CNTNAP2: variants seen among roughly 807,000 people sequenced by gnomAD.
CNTNAP2 encodes contactin-associated protein-like 2.
Under a neutral mutation model 155.2 loss-of-function variants are expected in CNTNAP2, and 98 were observed. The observed-to-expected ratio is 0.63, with a 90% confidence interval of 0.54 to 0.75. CNTNAP2 has a LOEUF of 0.75. Ranked by LOEUF, CNTNAP2 falls within the 30% of genes least tolerant of loss-of-function variation. The probability of loss-of-function intolerance (pLI) is 0.00; values close to 1 mark genes in which losing one functional copy is unlikely to be tolerated. For missense variants in CNTNAP2, 1,727 were observed against 1,688.1 expected (o/e 1.02, Z -0.40); for synonymous variants, 651 against 631.2 (o/e 1.03, Z -0.47).
At chr7:146,776,142 A>G (rs1802386312) in intron 2 of CNTNAP2, among the ~76,000 whole-genome samples, 1 of 152,198 alleles carries the variant, frequency 6.6e-6, no homozygotes, top group Admixed American at 6.5e-5. Flanking sequence ...ATTATGATAC[A>G]GACCTTCCCA....
intron 1 of CNTNAP2, among the ~76,000 whole-genome samples, chr7:146,729,355 C>A (rs1302475016): frequency 1.3e-5 from 2 of 151,888 alleles, no homozygotes; most frequent in African/African-American, 2.4e-5. Flanking sequence ...TGAAAGACGA[C>A]AGTAAAAGCA....
chr7:146,628,183 A>G (rs1279166890), intron 1 of CNTNAP2, among the ~76,000 whole-genome samples: 1 of 152,154 alleles, frequency 6.6e-6, no homozygotes, highest in Non-Finnish European at 1.5e-5. Flanking sequence ...TCACCTCAGC[A>G]TGCAGACAAT....
chr7:148,219,163 A>G (rs893229841), intron 19 of CNTNAP2, among the ~76,000 whole-genome samples: 1 of 151,784 alleles, frequency 6.6e-6, no homozygotes, highest in South Asian at 2.1e-4. Context: ...GACAATCTCA[A>G]TCTCTTGACC....
chr7:146,751,183 A>G (rs1325920452), intron 1 of CNTNAP2, among the ~76,000 whole-genome samples: 1 of 152,178 alleles, frequency 6.6e-6, no homozygotes, highest in African/African-American at 2.4e-5. Flanking sequence ...TAACTTTTGA[A>G]CATTTACAAA....
intron 13 of CNTNAP2, among the ~76,000 whole-genome samples, chr7:147,680,190 T>A (rs1795926998): frequency 6.6e-6 from 1 of 151,930 alleles, no homozygotes; most frequent in Non-Finnish European, 1.5e-5. Context: ...AGCATTTCTG[T>A]AAGGAAATAG....
chr7:146,969,117 G>A (rs1392155746), intron 3 of CNTNAP2, among the ~76,000 whole-genome samples: 12 of 150,672 alleles, frequency 8.0e-5, no homozygotes, highest in Non-Finnish European at 1.5e-4. Flanking sequence ...GTAGTTGAGC[G>A]GTTTTGAGTG....
intron 13 of CNTNAP2, among the ~76,000 whole-genome samples, chr7:147,819,219 T>G (rs1388627608): frequency 6.6e-6 from 1 of 152,194 alleles, no homozygotes; most frequent in African/African-American, 2.4e-5. Context: ...TTGTCTCAGA[T>G]AGATGGTTCT....
chr7:146,938,271 T>C (rs1796967158), intron 3 of CNTNAP2, among the ~76,000 whole-genome samples: 1 of 151,984 alleles, frequency 6.6e-6, no homozygotes. Flanking sequence ...CGTAATAAAT[T>C]AAGAGCGTCC....
chr7:147,522,091 C>T (rs1799238445), intron 11 of CNTNAP2, among the ~76,000 whole-genome samples: 1 of 152,186 alleles, frequency 6.6e-6, no homozygotes, highest in African/African-American at 2.4e-5. Flanking sequence ...CAAGTGTGCT[C>T]ATGTAGCAGA....
chr7:147,336,320 G>T (rs1161731116), intron 9 of CNTNAP2, among the ~76,000 whole-genome samples: 1 of 152,038 alleles, frequency 6.6e-6, no homozygotes. Flanking sequence ...GAGTTTTGCT[G>T]CTTGATTTCT....
chr7:146,398,243 A>C (rs1795662170), intron 1 of CNTNAP2, among the ~76,000 whole-genome samples: 1 of 139,042 alleles, frequency 7.2e-6, no homozygotes, highest in Non-Finnish European at 1.5e-5. Context: ...CCCACTGCTA[A>C]TTTGTAAAGG....
chr7:148,257,606 G>A (rs977943239), intron 20 of CNTNAP2, among the ~76,000 whole-genome samples: 1 of 152,182 alleles, frequency 6.6e-6, no homozygotes, highest in African/African-American at 2.4e-5. Flanking sequence ...GTTGGGAGGG[G>A]GCTGGCCTGC....
At position 146,839,647 on chromosome 7, in the gene CNTNAP2, T is replaced by C. The variant is rs1803680677; in HGVS notation, c.209-64T>C. The C allele has an allele frequency of 3.2e-6, 5 of 1,543,160 alleles. No individual in the cohort carries two copies. In the Admixed American group the frequency reaches 5.0e-5, roughly 16 times the overall value. The stretch of plus-strand genomic sequence containing the variant: ...CAATTAAGATATGTAGAATATTCCA[T>C]TGTCAGTTGTACAAGTTCAAATTTA... On this transcript the variant is annotated intron_variant, in intron 2 of 23. Transcript: ENST00000361727.
intron 1 of CNTNAP2, among the ~76,000 whole-genome samples, chr7:146,665,861 A>G (rs1471996976): frequency 6.7e-6 from 1 of 150,286 alleles, no homozygotes; most frequent in Non-Finnish European, 1.5e-5. Context: ...ATTGTCTTAA[A>G]CTGACATAAA....
intron 9 of CNTNAP2, among the ~76,000 whole-genome samples, chr7:147,351,656 T>C (rs768020856): frequency 3.3e-5 from 5 of 151,860 alleles, no homozygotes; most frequent in Non-Finnish European, 5.9e-5. Context: ...AGCATGAGTT[T>C]AGAAACTCAT....
At chr7:146,661,271 TA>T (rs1800082380) in intron 1 of CNTNAP2, among the ~76,000 whole-genome samples, 1 of 152,090 alleles carries the variant, frequency 6.6e-6, no homozygotes, top group Non-Finnish European at 1.5e-5. Context: ...CATCTATACT[TA>T]AGGGCTTTTA....
intron 8 of CNTNAP2, among the ~76,000 whole-genome samples, chr7:147,142,602 G>A (rs1275951350): frequency 5.3e-5 from 8 of 152,110 alleles, no homozygotes; most frequent in Non-Finnish European, 1.0e-4. Flanking sequence ...ATGAGTTAGG[G>A]AGGATTCCCT....
chr7:147,840,352 G>C (rs1452566270), intron 13 of CNTNAP2, among the ~76,000 whole-genome samples: 1 of 152,074 alleles, frequency 6.6e-6, no homozygotes, highest in Non-Finnish European at 1.5e-5. Context: ...AATGTCACCT[G>C]ACATTGCAAA....
chr7:146,921,958 G>A (rs1563003077), intron 3 of CNTNAP2, among the ~76,000 whole-genome samples: 1 of 152,050 alleles, frequency 6.6e-6, no homozygotes, highest in African/African-American at 2.4e-5. Context: ...TAGATAAATG[G>A]AGTAAAGAAA....
Sources: allele counts gnomAD v4.1 joint callset (sites outside exome capture counted in the v4.1 genomes callset), GRCh38; gene constraint gnomAD v4.1.1; transcripts MANE v1.5; gene names NCBI Gene and HGNC (gene_info 2026-07-23, HGNC 2026-07-21).